Variants in APBA1 observed in about 807,000 individuals in gnomAD.
APBA1 encodes the protein amyloid beta precursor protein binding family A member 1.
A neutral mutation model predicts 86.6 loss-of-function variants in APBA1; 55 were observed. The observed-to-expected ratio is 0.64, with a 90% confidence interval of 0.51 to 0.80. The LOEUF (loss-of-function observed/expected upper bound fraction) is 0.80. Ranked by LOEUF, APBA1 falls within the 30% of genes least tolerant of loss-of-function variation. APBA1 has a pLI of 0.00. For synonymous variants in APBA1, 511 were observed against 493.9 expected (o/e 1.03, Z -0.46); for missense variants, 1,090 against 1,183.0 (o/e 0.92, Z 1.15).
intron 2 of APBA1, among the ~76,000 whole-genome samples, chr9:69,511,555 C>T (rs1234964639): frequency 1.3e-5 from 2 of 151,764 alleles, no homozygotes; most frequent in Non-Finnish European, 2.9e-5. Flanking sequence ...CCATTTGACC[C>T]AGCCATCCCA....
At chr9:69,527,577 G>A (rs1383056019) in intron 1 of APBA1, among the ~76,000 whole-genome samples, 1 of 152,120 alleles carries the variant, frequency 6.6e-6, no homozygotes, top group Non-Finnish European at 1.5e-5. Context: ...AAGGGGTGGA[G>A]GAGGTAGATC....
chr9:69,589,242 C>T (rs1323576409), intron 1 of APBA1, among the ~76,000 whole-genome samples: 1 of 152,198 alleles, frequency 6.6e-6, no homozygotes, highest in African/African-American at 2.4e-5. Flanking sequence ...AGGCATGAGC[C>T]ACTGCTCCCG....
In APBA1 at chr9:69,523,477, G is replaced by GTATATA. The variant is rs1163577400; in HGVS notation, c.-69-6204_-69-6199dup. On this transcript the variant is annotated intron_variant, in intron 1 of 12. Coordinates refer to ENST00000265381, the MANE Select transcript of APBA1 (RefSeq NM_001163.4). Reference sequence around the variant, plus strand: ...ATCATGTATGTGTATATATATATATGTATATATATATATATATATGTATAT... The same window carrying GTATATA: ...ATCATGTATGTGTATATATATATATGTATATATATATATATATATATATATGTATAT... Among the ~76,000 whole-genome samples, 476 of 80,546 alleles carry GTATATA rather than the reference G, an allele frequency of 5.9e-3. 6 individuals are homozygous for GTATATA. The highest frequency in any genetic ancestry group is 0.014 in the African/African-American group (247 of 18,254). The allele number at this position is 80,546 out of a possible 152,430, so 52.8% of individuals were successfully genotyped here.
intron 5 of APBA1, among the ~76,000 whole-genome samples, chr9:69,459,340 A>G (rs778915909): frequency 1.3e-5 from 2 of 152,160 alleles, no homozygotes; most frequent in South Asian, 2.1e-4. Context: ...CAAACCTTCT[A>G]TATACTTGCT....
Position 69,467,872 on chromosome 9 carries a change from G to C in APBA1, c.1433C>G (p.Ser478Cys), listed in dbSNP as rs1377754516. ...GGCCTGCATCATGCGCACGTTTTTG[G>C]AAGGAGTTTTGTCTGAGAGCAGCTG... ...STQLLSDKTP[S>C]KNVRMMQAQE... The change falls in exon 5 of 13, where the codon TCC becomes TGC. Residue 478 changes from serine (S) to cysteine (C), a missense_variant. Physicochemically the swap from Ser to Cys is moderately radical, Grantham distance 112. Transcript: ENST00000265381. The C allele has an allele frequency of 6.2e-7, 1 of 1,614,050 alleles. No individual in the cohort carries two copies. Among genetic ancestry groups the C allele is most frequent in the Non-Finnish European group, 8.5e-7 (1 of 1,180,040 alleles).
At chr9:69,606,587 G>A (rs961592585) in intron 1 of APBA1, among the ~76,000 whole-genome samples, 2 of 144,500 alleles carry the variant, frequency 1.4e-5, no homozygotes, top group Non-Finnish European at 3.0e-5. Flanking sequence ...TGCCTCCCAG[G>A]TTCACACCAT....
At chr9:69,492,398 C>T (rs1564054528) in intron 2 of APBA1, among the ~76,000 whole-genome samples, 1 of 152,098 alleles carries the variant, frequency 6.6e-6, no homozygotes, top group African/African-American at 2.4e-5. Flanking sequence ...GGAGAGTGCT[C>T]ACAAGGACAA....
chr9:69,481,600 C>G (rs1242389942), intron 2 of APBA1, among the ~76,000 whole-genome samples: 1 of 81,666 alleles, frequency 1.2e-5, no homozygotes, highest in Non-Finnish European at 2.8e-5. Context: ...TGACTTTCTT[C>G]ACAGAATTGG....
At chr9:69,625,950 G>T (rs1288756576) in intron 1 of APBA1, among the ~76,000 whole-genome samples, 1 of 152,092 alleles carries the variant, frequency 6.6e-6, no homozygotes, top group African/African-American at 2.4e-5. Context: ...GTCCAAAAAG[G>T]CTTTATCTGA....
intron 11 of APBA1, among the ~76,000 whole-genome samples, chr9:69,433,301 G>T (rs536162097): frequency 1.3e-5 from 2 of 152,214 alleles, no homozygotes; most frequent in East Asian, 3.8e-4. Context: ...GGGCTGATGC[G>T]CCCTCCACCC....
At chr9:69,564,598 ATT>A (rs1033351497) in intron 1 of APBA1, among the ~76,000 whole-genome samples, 1 of 152,220 alleles carries the variant, frequency 6.6e-6, no homozygotes, top group African/African-American at 2.4e-5. Flanking sequence ...AGGGGCCAGA[ATT>A]TTGGGGAGTA....
At chr9:69,596,759 A>T (rs911429022) in intron 1 of APBA1, among the ~76,000 whole-genome samples, 2 of 152,268 alleles carry the variant, frequency 1.3e-5, no homozygotes, top group Non-Finnish European at 2.9e-5. Flanking sequence ...CTAGAAGCAG[A>T]GGGCAGATAC....
chr9:69,629,890 A>G (rs1383220483), intron 1 of APBA1, among the ~76,000 whole-genome samples: 1 of 152,194 alleles, frequency 6.6e-6, no homozygotes, highest in African/African-American at 2.4e-5. Flanking sequence ...CATATTAGTG[A>G]GGTCCTACTC....
At chr9:69,440,878 G>C (rs148068350) in intron 11 of APBA1, 118 bp downstream of exon 11, 3 of 1,277,774 alleles carry the variant, frequency 2.3e-6, no homozygotes, top group African/African-American at 3.0e-5. Context: ...CATCACTCAC[G>C]CTGGGAGTTG....
At chr9:69,587,655 T>C (rs542800151) in intron 1 of APBA1, among the ~76,000 whole-genome samples, 1 of 152,072 alleles carries the variant, frequency 6.6e-6, no homozygotes, top group Non-Finnish European at 1.5e-5. Context: ...AAACATCCAA[T>C]AAGATTCTCC....
At chr9:69,474,832 T>C (rs1436984458) in intron 3 of APBA1, among the ~76,000 whole-genome samples, 4 of 152,200 alleles carry the variant, frequency 2.6e-5, no homozygotes, top group African/African-American at 9.6e-5. Context: ...AAGGGTGCCT[T>C]AAGGGTAAAT....
In APBA1 at chr9:69,516,863, G is replaced by C. The variant is rs147622536; in HGVS notation, c.348C>G (p.Ser116Arg). ...AERAQDPEDE[S>R]AYAVQYRPEA... The stretch of plus-strand genomic sequence containing the variant: ...CGGGCCGGTACTGCACAGCATAGGC[G>C]CTCTCGTCCTCGGGGTCCTGCGCGC... The change falls in exon 2 of 13, where the codon AGC becomes AGG. Residue 116 changes from serine (S) to arginine (R), a missense_variant. Physicochemically the swap from Ser to Arg is moderately radical, Grantham distance 110 (BLOSUM62 -1). Transcript: ENST00000265381. This position sits in a 1 kb window ranked among gnomAD's most constrained non-coding sequence, Gnocchi z 7.3. The C allele has an allele frequency of 6.3e-7, 1 of 1,598,656 alleles. No homozygotes were observed. Among genetic ancestry groups the C allele is most frequent in the Non-Finnish European group, 8.5e-7 (1 of 1,177,400 alleles).
At chr9:69,526,130 C>T (rs1836338336) in intron 1 of APBA1, among the ~76,000 whole-genome samples, 1 of 152,048 alleles carries the variant, frequency 6.6e-6, no homozygotes, top group Non-Finnish European at 1.5e-5. Flanking sequence ...TAGAAAACAT[C>T]ATTTGGTCTT....
At chr9:69,541,230 C>A (rs1836603771) in intron 1 of APBA1, among the ~76,000 whole-genome samples, 1 of 146,324 alleles carries the variant, frequency 6.8e-6, no homozygotes, top group Non-Finnish European at 1.5e-5. Flanking sequence ...TAAGGCAGTT[C>A]TATTTTTAAT....
Sources: gnomAD v4.1 joint callset for allele counts (sites outside exome capture counted in the v4.1 genomes callset) on GRCh38, gnomAD v4.1.1 for gene constraint, Gnocchi (gnomAD v3.1) non-coding constraint, MANE v1.5 for transcripts, NCBI Gene and HGNC (gene_info 2026-07-23, HGNC 2026-07-21) for gene names.